CREG2: variants seen among roughly 807,000 people sequenced by gnomAD.
CREG2 encodes cellular repressor of E1A stimulated genes 2, also known as protein CREG2.
CREG2 carries 24 observed loss-of-function variants against 26.2 expected under a neutral mutation model. The observed-to-expected ratio is 0.92, with a 90% confidence interval of 0.66 to 1.29. The LOEUF is 1.29. Among genes scored for constraint, CREG2 ranks in the 50% most tolerant of loss-of-function variants. The pLI is 0.00. For synonymous variants in CREG2, 174 were observed against 169.2 expected (o/e 1.03, Z -0.22); for missense variants, 366 against 398.6 (o/e 0.92, Z 0.70).
chr2:101,383,753 G>A, intron 1 of CREG2, 51 bp from the exon 2 acceptor site: 2 of 1,505,068 alleles, frequency 1.3e-6, no homozygotes, highest in Middle Eastern at 3.6e-4. Flanking sequence ...GGCTCGACTT[G>A]ATCTGGGAGC....
In CREG2 at chr2:101,387,171, G is replaced by A. The variant is rs11554173; in HGVS notation, c.287C>T (p.Pro96Leu). 3 of 1,296,880 alleles carry A rather than the reference G, an allele frequency of 2.3e-6. No individual in the cohort carries two copies. The highest frequency in any genetic ancestry group is 3.2e-5 in the East Asian group (1 of 31,608). The allele number at this position is 1,296,880 out of a possible 1,614,324, so 80.3% of individuals were successfully genotyped here. A position where few individuals can be genotyped will look rare whatever the true frequency, so the allele number is the denominator to read the frequency against. The change falls in exon 1 of 4, where the codon CCG becomes CTG. Residue 96 changes from proline (P) to leucine (L), a missense_variant. By Grantham distance (98) the Pro-to-Leu change is moderately conservative (BLOSUM62 -3). This residue lies in a region of CREG2 where 177 missense variants were observed against 183.3 expected (regional missense o/e 0.97). Transcript: ENST00000324768. The surrounding 1 kb of genome is among the most constrained non-coding windows in gnomAD (Gnocchi z 4.7). The part of the protein sequence containing the change: ...RPRAGAARAR[P>L]PPAPPGMFSY... Reference sequence around the variant, plus strand: ...GAACATCCCGGGTGGCGCGGGGGGCGGCCTGGCCCGGGCGGCGCCCGCCCG... The same window carrying A: ...GAACATCCCGGGTGGCGCGGGGGGCAGCCTGGCCCGGGCGGCGCCCGCCCG...
At chr2:101,385,700 G>C (rs568022665) in intron 1 of CREG2, among the ~76,000 whole-genome samples, 94 of 152,266 alleles carry the variant, frequency 6.2e-4, no homozygotes, top group African/African-American at 2.2e-3. Context: ...CTTCCAAAAT[G>C]GTGATATAAC....
intron 2 of CREG2, among the ~76,000 whole-genome samples, chr2:101,369,584 G>A (rs1684673131): frequency 6.6e-6 from 1 of 152,176 alleles, no homozygotes; most frequent in Admixed American, 6.5e-5. Flanking sequence ...TGGCTCAAAA[G>A]AGCTTCTCTC....
At chr2:101,369,682 C>A (rs1317683963) in intron 2 of CREG2, among the ~76,000 whole-genome samples, 1 of 152,120 alleles carries the variant, frequency 6.6e-6, no homozygotes, top group Non-Finnish European at 1.5e-5. Flanking sequence ...CGTCTTATAC[C>A]TTCTCCCTCC....
At chr2:101,378,842 C>G (rs1467658472) in intron 2 of CREG2, among the ~76,000 whole-genome samples, 1 of 151,940 alleles carries the variant, frequency 6.6e-6, no homozygotes, top group African/African-American at 2.4e-5. Context: ...CCCATCTCTA[C>G]TAAAAATACA....
At chr2:101,382,556 C>T in intron 2 of CREG2, 2 of 985,298 alleles carry the variant, frequency 2.0e-6, no homozygotes, top group Non-Finnish European at 2.4e-6. Context: ...CTTTTCCTGG[C>T]TTCTTGCTGT....
At chr2:101,351,977 C>A (rs1282526723) in intron 3 of CREG2, among the ~76,000 whole-genome samples, 1 of 152,002 alleles carries the variant, frequency 6.6e-6, no homozygotes, top group Non-Finnish European at 1.5e-5. Flanking sequence ...CCTCGATCTC[C>A]TGGGCTCAAG....
intron 2 of CREG2, among the ~76,000 whole-genome samples, chr2:101,374,705 T>C (rs1336265450): frequency 6.6e-6 from 1 of 152,224 alleles, no homozygotes; most frequent in Non-Finnish European, 1.5e-5. Flanking sequence ...TAAAAATGAC[T>C]GAATGAATAG....
intron 2 of CREG2, among the ~76,000 whole-genome samples, chr2:101,379,132 G>A (rs929650601): frequency 1.3e-5 from 2 of 152,154 alleles, no homozygotes; most frequent in Non-Finnish European, 2.9e-5. Flanking sequence ...AGAAGGGCAG[G>A]CCAATAATGC....
intron 2 of CREG2, among the ~76,000 whole-genome samples, chr2:101,367,865 G>A (rs910262279): frequency 1.3e-5 from 2 of 152,190 alleles, no homozygotes; most frequent in African/African-American, 4.8e-5. Flanking sequence ...GAATGCACGC[G>A]GCCTCTAGGA....
In CREG2 at chr2:101,350,996, A is replaced by G. The variant is rs777447416; in HGVS notation, c.800T>C (p.Leu267Pro). 6.8e-6 allele frequency: 11 copies of G among 1,614,182 alleles called. No individual in the cohort carries two copies. In the South Asian group the frequency reaches 1.2e-4, roughly 18 times the overall value. ...GGATGCGCCTCCATACCATTTCTGA[A>G]GCCAGATATGTTCTATCCTCATCTT... ...FMKMRIEHIWLQKWYGGASSI... is the reference protein window; with the variant it reads ...FMKMRIEHIWPQKWYGGASSI... The change falls in exon 4 of 4, where the codon CTT (leucine) becomes CCT (proline). Residue 267 changes from leucine (L) to proline (P), a missense_variant. Physicochemically the swap from Leu to Pro is moderately conservative, Grantham distance 98 (BLOSUM62 -3). Transcript: ENST00000324768.
intron 2 of CREG2, among the ~76,000 whole-genome samples, chr2:101,371,575 A>G (rs1432723135): frequency 6.6e-6 from 1 of 152,208 alleles, no homozygotes; most frequent in Non-Finnish European, 1.5e-5. Flanking sequence ...TGAACGATGA[A>G]AGGCAGGAGT....
Position 101,351,074 on chromosome 2 carries a change from C to T in CREG2, c.726-4G>A. 1 of 1,613,536 alleles carries T rather than the reference C, an allele frequency of 6.2e-7. No homozygotes were observed. The highest frequency in any genetic ancestry group is 2.2e-5 in the East Asian group (1 of 44,882). The stretch of plus-strand genomic sequence containing the variant: ...CCACTTCCTCATCCCTGGGTGCCTG[C>T]AGGAATAAAGAGAGACCACAGTAAA... On this transcript the variant is annotated splice_region_variant and splice_polypyrimidine_tract_variant and intron_variant, in intron 3 of 3. Coordinates refer to ENST00000324768, the MANE Select transcript of CREG2 (RefSeq NM_153836.4).
At chr2:101,351,759 T>C (rs935456287) in intron 3 of CREG2, among the ~76,000 whole-genome samples, 4 of 152,186 alleles carry the variant, frequency 2.6e-5, no homozygotes, top group Non-Finnish European at 4.4e-5. Flanking sequence ...ACTTCTTTTT[T>C]TTAACTTCAT....
At chr2:101,376,174 TTC>T (rs1573314429) in intron 2 of CREG2, 1 of 152,522 alleles carries the variant, frequency 6.6e-6, no homozygotes, top group East Asian at 1.9e-4. Context: ...CGCCTCTGCT[TTC>T]TTGTGCCATT....
At chr2:101,353,340 A>G (rs980494364) in intron 3 of CREG2, among the ~76,000 whole-genome samples, 3 of 152,358 alleles carry the variant, frequency 2.0e-5, no homozygotes, top group Non-Finnish European at 4.4e-5. Context: ...GAAGACATTT[A>G]TGCGGCCAAC....
Position 101,355,167 on chromosome 2 carries a change from A to C in CREG2, c.725+86T>G, listed in dbSNP as rs572302493. Reference sequence around the variant, plus strand: ...GCAGTGGAGACCAATCACTTATTGCATCAGAGGCATCTAATGGCACAGCCT... The same window carrying C: ...GCAGTGGAGACCAATCACTTATTGCCTCAGAGGCATCTAATGGCACAGCCT... On this transcript the variant is annotated intron_variant, in intron 3 of 3. Transcript: ENST00000324768. 8 of 851,506 alleles carry C rather than the reference A, an allele frequency of 9.4e-6. No individual in the cohort carries two copies. In the Middle Eastern group the frequency reaches 6.7e-4, roughly 71 times the overall value. The allele number at this position is 851,506 out of a possible 1,614,324, so 52.7% of individuals were successfully genotyped here.
chr2:101,358,511 G>A (rs1485144986), intron 2 of CREG2, among the ~76,000 whole-genome samples: 1 of 152,192 alleles, frequency 6.6e-6, no homozygotes, highest in East Asian at 1.9e-4. Flanking sequence ...GTTTATGATG[G>A]CAAAAATTGG....
chr2:101,385,983 A>G (rs1684961976), intron 1 of CREG2, among the ~76,000 whole-genome samples: 1 of 152,222 alleles, frequency 6.6e-6, no homozygotes, highest in African/African-American at 2.4e-5. Flanking sequence ...TCTTTTTAAG[A>G]TGTGTCTTAG....
Sources: gnomAD v4.1 joint callset for allele counts (sites outside exome capture counted in the v4.1 genomes callset) on GRCh38, gnomAD v4.1.1 for gene constraint, gnomAD v4.1.1 regional missense constraint, Gnocchi (gnomAD v3.1) non-coding constraint, MANE v1.5 for transcripts, NCBI Gene and HGNC (gene_info 2026-07-23, HGNC 2026-07-21) for gene names.